Variants in DZIP1 observed in about 807,000 individuals in gnomAD.
The protein encoded by DZIP1 is cilium assembly protein DZIP1.
DZIP1 carries 97 observed loss-of-function variants against 107.6 expected under a neutral mutation model. The observed-to-expected ratio is 0.90, with a 90% confidence interval of 0.77 to 1.07. The LOEUF (loss-of-function observed/expected upper bound fraction) is 1.07, where lower values mean the gene tolerates loss of function less well. Ranked by LOEUF, DZIP1 falls within the 50% of genes least tolerant of loss-of-function variation. The pLI is 0.00. For synonymous variants in DZIP1, 390 were observed against 386.4 expected (o/e 1.01, Z -0.11); for missense variants, 1,035 against 1,063.6 (o/e 0.97, Z 0.37).
Position 95,590,279 on chromosome 13 carries a change from C to G in DZIP1, c.1843G>C (p.Asp615His). ...KIEEKALLSS[D>H]QCSVSQMDTL... ...CATTTGCAGTGGGTAACAAGCTTAC[C>G]TGAAGAGAGTAGTGCTTTCTCCTCA... Residue 615 changes from aspartate to histidine, a missense_variant and splice_region_variant, in exon 17 of 23, where the codon GAT becomes CAT. Asp to His is a moderately conservative substitution (Grantham distance 81, BLOSUM62 -1). Coordinates refer to ENST00000376829, the MANE Select transcript of DZIP1 (RefSeq NM_198968.4). The G allele has an allele frequency of 1.2e-6, 2 of 1,605,376 alleles. No homozygotes were observed. Among genetic ancestry groups the G allele is most frequent in the Non-Finnish European group, 1.7e-6 (2 of 1,177,008 alleles).
In DZIP1 at chr13:95,641,707, G is replaced by A. The variant is rs1369864906; in HGVS notation, c.185C>T (p.Pro62Leu). 4 of 1,601,742 alleles carry A rather than the reference G, an allele frequency of 2.5e-6. No homozygotes were observed. The African/African-American group carries it at 4.0e-5, about 16-fold the overall frequency. ...SGPLPFFQFR[P>L]RLESVDWRRL... ...CCGCCAGTCCACACTCTCCAGCCGC[G>A]GCCTGAACTGGAAGAAGGGCAGGGG... The change falls in exon 5 of 23, where the codon CCG becomes CTG. Residue 62 changes from proline to leucine, a missense_variant. Transcript: ENST00000376829. This position sits in a 1 kb window ranked among gnomAD's most constrained non-coding sequence, Gnocchi z 4.3.
At position 95,611,942 on chromosome 13, in the gene DZIP1, T is replaced by C. The variant is rs2045021423; in HGVS notation, c.1314+95A>G. ...GAAAAATATTCCATCTTCCTCACCTTATACCACTTACAAATGCTCTAAAGT... is the reference window on the plus strand; with the variant it reads ...GAAAAATATTCCATCTTCCTCACCTCATACCACTTACAAATGCTCTAAAGT... On this transcript the variant is annotated intron_variant, in intron 11 of 22. Coordinates refer to ENST00000376829, the MANE Select transcript of DZIP1 (RefSeq NM_198968.4). 7 of 1,486,574 alleles carry C rather than the reference T, an allele frequency of 4.7e-6. No homozygotes were observed. In the South Asian group the frequency reaches 6.8e-5, roughly 14 times the overall value. 92.1% of individuals were successfully genotyped at this position (1,486,574 alleles called of 1,614,324 possible). A position where few individuals can be genotyped will look rare whatever the true frequency, so the allele number is the denominator to read the frequency against.
chr13:95,610,120 G>GAA (rs2044946516), intron 12 of DZIP1, among the ~76,000 whole-genome samples: 1 of 125,682 alleles, frequency 8.0e-6, no homozygotes. Context: ...GTGAGAGAGA[G>GAA]ACAGAGAGAG....
At chr13:95,630,792 A>G in intron 6 of DZIP1, 1 of 1,261,072 alleles carries the variant, frequency 7.9e-7, no homozygotes, top group Non-Finnish European at 1.0e-6. Context: ...CCAAAGTAGA[A>G]AGTCAGAATC....
rs922045581 is a variant in DZIP1, at chr13:95,644,426, G to A, written c.-575C>T. 3 of 152,634 alleles carry A rather than the reference G, an allele frequency of 2.0e-5. 1 individual carries two copies. Among genetic ancestry groups the A allele is most frequent in the African/African-American group, 7.2e-5 (3 of 41,456 alleles). The allele number at this position is 152,634 out of a possible 1,614,324, so 9.5% of individuals were successfully genotyped here. A position where few individuals can be genotyped will look rare whatever the true frequency, so the allele number is the denominator to read the frequency against. On this transcript the variant is annotated 5_prime_UTR_variant, in exon 1 of 23. Transcript: ENST00000376829. ...TGCCGGGCGCTGCAGGCGGGCGGGG[G>A]CGACACAGGGGACCCAGACCCCAGG... is the stretch of plus-strand genomic sequence containing the variant.
intron 8 of DZIP1, among the ~76,000 whole-genome samples, chr13:95,624,116 G>T (rs1016445907): frequency 1.3e-5 from 2 of 152,168 alleles, no homozygotes; most frequent in Non-Finnish European, 2.9e-5. Context: ...TATAAAACTT[G>T]TTGGCCCCTA....
chr13:95,639,452 A>G lies in DZIP1; in HGVS notation c.597+1843T>C, dbSNP rs1289964883. 2.0e-5 allele frequency among the ~76,000 whole-genome samples: 3 copies of G among 152,046 alleles called. No individual in the cohort carries two copies. In the East Asian group the frequency reaches 5.8e-4, roughly 29 times the overall value. On this transcript the variant is annotated intron_variant, in intron 5 of 22. Transcript: ENST00000376829. ...CTAAAAATACAAAAATTAGCTGGGC[A>G]TGGTGGTGCACACCTGTAGTCCCAG...
Position 95,641,483 on chromosome 13 carries a change from A to G in DZIP1, c.409T>C (p.Phe137Leu). ...TIEYLLHSQE[F>L]LTSQLHTLEE... ...AGGGTGTGCAGCTGCGAGGTGAGGA[A>G]CTCTTGTGAGTGCAGCAAGTACTCG... Residue 137 changes from phenylalanine to leucine, a missense_variant, in exon 5 of 23, where the codon TTC becomes CTC. Coordinates refer to ENST00000376829, the MANE Select transcript of DZIP1 (RefSeq NM_198968.4). This position sits in a 1 kb window ranked among gnomAD's most constrained non-coding sequence, Gnocchi z 4.3. The G allele has an allele frequency of 6.2e-7, 1 of 1,614,012 alleles. No individual in the cohort carries two copies. The highest frequency in any genetic ancestry group is 8.5e-7 in the Non-Finnish European group (1 of 1,179,986).
Position 95,633,252 on chromosome 13 carries a change from CA to C in DZIP1, c.666del (p.Glu223LysfsTer24). The C allele has an allele frequency of 1.2e-6, 2 of 1,614,122 alleles. No individual in the cohort carries two copies. The highest frequency in any genetic ancestry group is 1.7e-6 in the Non-Finnish European group (2 of 1,179,998). Reference protein sequence around the residue: ...FLQSHIQRRHTEENSHFEYQK... With the variant: ...FLQSHIQRRHXEENSHFEYQK... ...TACTCACCAAAATGAGAATTTTCTT[CA>C]GTGTGGCGGCGTTGAATGTGACTTT... On this transcript the variant is annotated frameshift_variant, in exon 6 of 23. Transcript: ENST00000376829. LOFTEE classifies it high-confidence loss of function.
rs1878513370 is a variant in DZIP1 at position 95,641,619 on chromosome 13, C to A, written c.273G>T (p.Glu91Asp). ...AGAVDVLTLQ[E>D]NIMNITFCKL... ...TGCAGAAGGTGATGTTCATGATGTT[C>A]TCCTGCAGCGTCAGCACGTCCACAG... Residue 91 changes from glutamate to aspartate, a missense_variant, in exon 5 of 23, where the codon GAG becomes GAT. Transcript: ENST00000376829. This position sits in a 1 kb window ranked among gnomAD's most constrained non-coding sequence, Gnocchi z 4.3. The A allele has an allele frequency of 6.2e-7, 1 of 1,612,170 alleles. No individual in the cohort carries two copies. Among genetic ancestry groups the A allele is most frequent in the Non-Finnish European group, 8.5e-7 (1 of 1,180,036 alleles).
chr13:95,602,701 C>T (rs951174669), intron 14 of DZIP1, among the ~76,000 whole-genome samples: 1 of 152,236 alleles, frequency 6.6e-6, no homozygotes, highest in Admixed American at 6.5e-5. Flanking sequence ...GTTGGCACAT[C>T]CAAACATTTC....
At position 95,641,435 on chromosome 13, in the gene DZIP1, G is replaced by C; in HGVS notation, c.457C>G (p.His153Asp). The change falls in exon 5 of 23, where the codon CAC becomes GAC. Residue 153 changes from histidine (H) to aspartate (D), a missense_variant. His to Asp is a moderately conservative substitution (Grantham distance 81). Coordinates refer to ENST00000376829, the MANE Select transcript of DZIP1 (RefSeq NM_198968.4). This position sits in a 1 kb window ranked among gnomAD's most constrained non-coding sequence, Gnocchi z 4.3. ...TTCTTGCTCTGCTCGCCGTCGCAGT[G>C]GCTCAGGCGCAGCCGCTCCTCCAGG... ...HTLEERLRLS[H>D]CDGEQSKKLL... The C allele has an allele frequency of 1.2e-6, 2 of 1,614,166 alleles. No homozygotes were observed. Among genetic ancestry groups the C allele is most frequent in the Non-Finnish European group, 1.7e-6 (2 of 1,180,018 alleles).
At chr13:95,601,891 G>A (rs187404147) in intron 14 of DZIP1, among the ~76,000 whole-genome samples, 6 of 152,106 alleles carry the variant, frequency 3.9e-5, no homozygotes, top group African/African-American at 1.4e-4. Context: ...CCACCAAACC[G>A]CTGGTCTGTC....
intron 14 of DZIP1, among the ~76,000 whole-genome samples, chr13:95,600,892 G>A (rs547732088): frequency 1.7e-3 from 260 of 152,234 alleles, no homozygotes; most frequent in Middle Eastern, 6.8e-3. Flanking sequence ...ATTTGTTATA[G>A]AGCATCAAGA....
chr13:95,612,062 T>C lies in DZIP1; in HGVS notation c.1289A>G (p.Glu430Gly). The C allele has an allele frequency of 6.2e-7, 1 of 1,613,836 alleles. No individual in the cohort carries two copies. Among genetic ancestry groups the C allele is most frequent in the Middle Eastern group, 1.6e-4 (1 of 6,062 alleles). ...CTGCTGTCTCTGAGTTATAATCAGC[T>C]CATTCTGCTCCTGGAGTCTCTGCCC... Reference protein sequence around the residue: ...ELGQRLQEQNELIITQRQQIK... With the variant: ...ELGQRLQEQNGLIITQRQQIK... Residue 430 changes from glutamate to glycine, a missense_variant, in exon 11 of 23, where the codon GAG becomes GGG. By Grantham distance (98) the Glu-to-Gly change is moderately conservative. Coordinates refer to ENST00000376829, the MANE Select transcript of DZIP1 (RefSeq NM_198968.4).
intron 9 of DZIP1, 79 bp from the exon 10 acceptor site, chr13:95,620,026 A>G: frequency 6.8e-7 from 1 of 1,470,524 alleles, no homozygotes; most frequent in South Asian, 1.2e-5. Flanking sequence ...CTTTTTAGTG[A>G]ATACCTATGA....
chr13:95,623,738 C>T (rs1298121127), intron 8 of DZIP1, among the ~76,000 whole-genome samples: 2 of 152,088 alleles, frequency 1.3e-5, no homozygotes, highest in Middle Eastern at 3.2e-3. Context: ...GCCAGGAGTT[C>T]GACACCATCC....
At position 95,589,706 on chromosome 13, in the gene DZIP1, A is replaced by G. The variant is rs954730684; in HGVS notation, c.1973+97T>C. ...TCAGCCTCCAAAATGGGGAGAAAAT[A>G]AATTTCTGTGAAGCCACCCAGTCTA... On this transcript the variant is annotated intron_variant, in intron 18 of 22. Transcript: ENST00000376829. 1.8e-5 allele frequency: 26 copies of G among 1,469,456 alleles called. No homozygotes were observed. The African/African-American group carries it at 3.5e-4, about 20-fold the overall frequency. The allele number at this position is 1,469,456 out of a possible 1,614,324, so 91.0% of individuals were successfully genotyped here. A position where few individuals can be genotyped will look rare whatever the true frequency, so the allele number is the denominator to read the frequency against.
intron 19 of DZIP1, among the ~76,000 whole-genome samples, chr13:95,588,561 G>T (rs960820750): frequency 1.3e-5 from 2 of 152,138 alleles, no homozygotes; most frequent in East Asian, 3.8e-4. Context: ...TTAATTTGTA[G>T]AACTATCTCG....
Sources: gnomAD v4.1 joint callset for allele counts (sites outside exome capture counted in the v4.1 genomes callset) on GRCh38, gnomAD v4.1.1 for gene constraint, Gnocchi (gnomAD v3.1) non-coding constraint, MANE v1.5 for transcripts, NCBI Gene and HGNC (gene_info 2026-07-23, HGNC 2026-07-21) for gene names.